Variants in RPL22L1 observed in about 807,000 individuals in gnomAD.
RPL22L1 encodes the protein ribosomal protein L22 like 1, also known as ribosomal protein eL22-like.
A neutral mutation model predicts 17.3 loss-of-function variants in RPL22L1; 19 were observed. The ratio of observed to expected loss-of-function variants is 1.10; its 90% confidence interval spans 0.77 to 1.61. The LOEUF is 1.61. Among genes scored for constraint, RPL22L1 ranks in the 40% most tolerant of loss-of-function variants. The probability of loss-of-function intolerance (pLI) is 0.00; values close to 1 mark genes in which losing one functional copy is unlikely to be tolerated. For synonymous variants in RPL22L1, 48 were observed against 48.5 expected (o/e 0.99, Z 0.05); for missense variants, 139 against 144.4 (o/e 0.96, Z 0.19).
At position 170,865,192 on chromosome 3, in the gene RPL22L1, A is replaced by G. The variant is rs1711694136; in HGVS notation, c.*1188T>C. ...GGCACTTAAATTTTTAGGAAAACGA[A>G]TTAAAACATTGAATTAAACAATAAT... is the stretch of plus-strand genomic sequence containing the variant. On this transcript the variant is annotated 3_prime_UTR_variant, in exon 4 of 4. Transcript: ENST00000295830. 1 of 152,246 alleles carries G rather than the reference A, an allele frequency of 6.6e-6. No individual in the cohort carries two copies. The highest frequency in any genetic ancestry group is 1.5e-5 in the Non-Finnish European group (1 of 68,050). 9.4% of individuals were successfully genotyped at this position (152,246 alleles called of 1,614,324 possible).
rs35192046 is a variant in RPL22L1 at position 170,866,275 on chromosome 3, A to C, written c.*105T>G. On this transcript the variant is annotated 3_prime_UTR_variant, in exon 4 of 4. Coordinates refer to ENST00000295830, the MANE Select transcript of RPL22L1 (RefSeq NM_001099645.2). ...AAATGAGACAAAAGTTCAAGAGTAT[A>C]ATATTTTTTATTCACTGATAAACTA... The C allele has an allele frequency of 0.23, 210,578 of 904,298 alleles. 26,504 individuals carry two copies. The highest frequency in any genetic ancestry group is 0.35 in the East Asian group (12,781 of 36,548). The allele number at this position is 904,298 out of a possible 1,614,324, so 56.0% of individuals were successfully genotyped here. A position where few individuals can be genotyped will look rare whatever the true frequency, so the allele number is the denominator to read the frequency against.
chr3:170,865,229 C>G lies in RPL22L1; in HGVS notation c.*1151G>C, dbSNP rs1422670308. ...AATTAAACAATAATTTCAAGCAATT[C>G]CCAAACCAATTAATGCATAGATTAG... On this transcript the variant is annotated 3_prime_UTR_variant, in exon 4 of 4. Coordinates refer to ENST00000295830, the MANE Select transcript of RPL22L1 (RefSeq NM_001099645.2). 6.6e-6 allele frequency: 1 copy of G among 152,146 alleles called. No individual in the cohort carries two copies. Among genetic ancestry groups the G allele is most frequent in the Non-Finnish European group, 1.5e-5 (1 of 68,028 alleles). 9.4% of individuals were successfully genotyped at this position (152,146 alleles called of 1,614,324 possible).
chr3:170,868,803 TAAAAA>T (rs550401844), intron 1 of RPL22L1, among the ~76,000 whole-genome samples: 2 of 117,798 alleles, frequency 1.7e-5, no homozygotes, highest in African/African-American at 6.4e-5. Flanking sequence ...GGGACTTTGG[TAAAAA>T]AAAAAAAAAA....
chr3:170,866,561 C>T, intron 3 of RPL22L1, 37 bp from the exon 4 acceptor site: 1 of 1,449,414 alleles, frequency 6.9e-7, no homozygotes, highest in Non-Finnish European at 9.4e-7. Flanking sequence ...TTAAGAAATA[C>T]AATTCCTACT....
rs1269737466 is a variant in RPL22L1, at chr3:170,868,148, G to GA, written c.103-15dup. On this transcript the variant is annotated splice_polypyrimidine_tract_variant and intron_variant, in intron 2 of 3. Transcript: ENST00000295830. ...TAGAAATTGCTCCTATTTTAAAACA[G>GA]AAAAAATGCAAAACTAGGGAAGAGA... 5 of 1,602,582 alleles carry GA rather than the reference G, an allele frequency of 3.1e-6. 1 individual carries two copies. Among genetic ancestry groups the GA allele is most frequent in the South Asian group, 2.2e-5 (2 of 89,812 alleles).
At chr3:170,868,441 T>G in intron 1 of RPL22L1, 51 bp from the exon 2 acceptor site, 1 of 1,126,846 alleles carries the variant, frequency 8.9e-7, no homozygotes, top group South Asian at 1.3e-5. Context: ...CTTATTCAAT[T>G]TATATAAACA....
In RPL22L1 at chr3:170,864,911, TC is replaced by T. The variant is rs1711682696; in HGVS notation, c.*1468del. On this transcript the variant is annotated 3_prime_UTR_variant, in exon 4 of 4. Coordinates refer to ENST00000295830, the MANE Select transcript of RPL22L1 (RefSeq NM_001099645.2). The stretch of plus-strand genomic sequence containing the variant: ...AGATGAAATTCCTTTTATTAAGCCC[TC>T]CCTTTTGTAGCAGTAAATTTGTTCA... 6.6e-6 allele frequency: 1 copy of T among 152,220 alleles called. No homozygotes were observed. The highest frequency in any genetic ancestry group is 2.4e-5 in the African/African-American group (1 of 41,442). The allele number at this position is 152,220 out of a possible 1,614,324, so 9.4% of individuals were successfully genotyped here. A position where few individuals can be genotyped will look rare whatever the true frequency, so the allele number is the denominator to read the frequency against.
At position 170,866,213 on chromosome 3, in the gene RPL22L1, G is replaced by A. The variant is rs372796243; in HGVS notation, c.*167C>T. 4.7e-5 allele frequency: 25 copies of A among 532,666 alleles called. No homozygotes were observed. Among genetic ancestry groups the A allele is most frequent in the East Asian group, 4.3e-4 (14 of 32,880 alleles). 33.0% of individuals were successfully genotyped at this position (532,666 alleles called of 1,614,324 possible). A position where few individuals can be genotyped will look rare whatever the true frequency, so the allele number is the denominator to read the frequency against. On this transcript the variant is annotated 3_prime_UTR_variant, in exon 4 of 4. Coordinates refer to ENST00000295830, the MANE Select transcript of RPL22L1 (RefSeq NM_001099645.2). ...ATTTAAATACTGTTGATAGTTATCA[G>A]AGGGAAATCAAAATCATATAAACAG...
In RPL22L1 at chr3:170,866,466, G is replaced by A. The variant is rs1184007690; in HGVS notation, c.283C>T (p.Arg95Ter). The change falls in exon 4 of 4, where the codon CGA becomes TGA. Residue 95 changes from arginine to a stop codon, truncating the protein, a stop_gained. Coordinates refer to ENST00000295830, the MANE Select transcript of RPL22L1 (RefSeq NM_001099645.2). LOFTEE classifies it high-confidence loss of function. Reference protein sequence around the residue: ...LKKNNLRDWLRVVASDKETYE... With the variant: ...LKKNNLRDWL Reference sequence around the variant, plus strand: ...GTCTCCTTGTCAGATGCAACCACTCGAAGCCAATCACGAAGATTGTTCTTC... The same window carrying A: ...GTCTCCTTGTCAGATGCAACCACTCAAAGCCAATCACGAAGATTGTTCTTC... The A allele has an allele frequency of 6.9e-6, 11 of 1,588,128 alleles. No individual in the cohort carries two copies. Among genetic ancestry groups the A allele is most frequent in the Admixed American group, 1.8e-5 (1 of 56,266 alleles).
chr3:170,870,021 T>C (rs1460508383), intron 1 of RPL22L1, 138 bp downstream of exon 1: 1 of 1,265,530 alleles, frequency 7.9e-7, no homozygotes, highest in Admixed American at 1.9e-5. Context: ...GCGTCTTGGT[T>C]GTGTTTCTGA....
chr3:170,868,027 T>C lies in RPL22L1; in HGVS notation c.210A>G (p.Lys70=). ...AAAGTACCAACCTTTTAGAGAACTGTTTCTCAGAAACAACTGTGATTTTAT... is the reference window on the plus strand; with the variant it reads ...AAAGTACCAACCTTTTAGAGAACTGCTTCTCAGAAACAACTGTGATTTTAT... ...FKNKITVVSE[K]QFSKRYLKYL... Residue 70 remains lysine, a synonymous_variant, in exon 3 of 4, where the codon AAA becomes AAG. Transcript: ENST00000295830. 6.3e-7 allele frequency: 1 copy of C among 1,597,800 alleles called. No homozygotes were observed. The highest frequency in any genetic ancestry group is 1.7e-5 in the Admixed American group (1 of 57,436).
At position 170,868,122 on chromosome 3, in the gene RPL22L1, G is replaced by T; in HGVS notation, c.115C>A (p.Arg39=). Residue 39 remains arginine, a synonymous_variant, in exon 3 of 4, where the codon CGG becomes AGG. Transcript: ENST00000295830. ...FDSGNFEQFL[R]EKVKVNGKTG... is the part of the protein sequence containing the mutation. ...TTGCCATTGACTTTAACCTTCTCCC[G>T]TAGAAATTGCTCCTATTTTAAAACA... The T allele has an allele frequency of 6.2e-7, 1 of 1,605,278 alleles. No individual in the cohort carries two copies. Among genetic ancestry groups the T allele is most frequent in the South Asian group, 1.1e-5 (1 of 89,920 alleles).
Position 170,866,603 on chromosome 3 carries a change from T to C in RPL22L1, c.225-79A>G, listed in dbSNP as rs1344356479. On this transcript the variant is annotated intron_variant, in intron 3 of 3. Transcript: ENST00000295830. ...AGGTTTACTATACGAAAAATATACATCATCATATTCATCTTTTCTGTACCT... is the reference window on the plus strand; with the variant it reads ...AGGTTTACTATACGAAAAATATACACCATCATATTCATCTTTTCTGTACCT... The C allele has an allele frequency of 2.4e-5, 23 of 970,620 alleles. No individual in the cohort carries two copies. In the East Asian group the frequency reaches 5.6e-4, roughly 24 times the overall value. 60.1% of individuals were successfully genotyped at this position (970,620 alleles called of 1,614,324 possible).
intron 1 of RPL22L1, among the ~76,000 whole-genome samples, chr3:170,868,829 G>T (rs966899774): frequency 6.7e-6 from 1 of 148,238 alleles, no homozygotes; most frequent in Non-Finnish European, 1.5e-5. Flanking sequence ...GAAAAGAAAA[G>T]AAAAAGAAAA....
chr3:170,867,900 G>T, intron 3 of RPL22L1, 113 bp downstream of exon 3: 2 of 896,650 alleles, frequency 2.2e-6, no homozygotes, highest in Non-Finnish European at 3.3e-6. Flanking sequence ...TAGGCCTTTA[G>T]TCTAAAGTTC....
rs1711723352 is a variant in RPL22L1, at chr3:170,865,595, C to A, written c.*785G>T. 1 of 152,180 alleles carries A rather than the reference C, an allele frequency of 6.6e-6. No individual in the cohort carries two copies. Among genetic ancestry groups the A allele is most frequent in the Non-Finnish European group, 1.5e-5 (1 of 68,042 alleles). 9.4% of individuals were successfully genotyped at this position (152,180 alleles called of 1,614,324 possible). On this transcript the variant is annotated 3_prime_UTR_variant, in exon 4 of 4. Coordinates refer to ENST00000295830, the MANE Select transcript of RPL22L1 (RefSeq NM_001099645.2). ...TTTCAGACAAGGACCACAGTAGATT[C>A]TGTAGCTGAGTTGAGATTTGGTTTT...
In RPL22L1 at chr3:170,865,707, C is replaced by T. The variant is rs181331356; in HGVS notation, c.*673G>A. 1.3e-5 allele frequency: 2 copies of T among 152,172 alleles called. No homozygotes were observed. The highest frequency in any genetic ancestry group is 4.8e-5 in the African/African-American group (2 of 41,436). The allele number at this position is 152,172 out of a possible 1,614,324, so 9.4% of individuals were successfully genotyped here. ...TTACAGCAGGCCTCACACCCAGAGTCTTTGGGCTAACTATAAGAGCAAACT... is the reference window on the plus strand; with the variant it reads ...TTACAGCAGGCCTCACACCCAGAGTTTTTGGGCTAACTATAAGAGCAAACT... On this transcript the variant is annotated 3_prime_UTR_variant, in exon 4 of 4. Transcript: ENST00000295830.
In RPL22L1 at chr3:170,868,431, C is replaced by T. The variant is rs146264247; in HGVS notation, c.10-41G>A. ...ATAATTATGTAGCTATATAAAACAACTTATTCAATTTATATAAACAATTTT... is the reference window on the plus strand; with the variant it reads ...ATAATTATGTAGCTATATAAAACAATTTATTCAATTTATATAAACAATTTT... On this transcript the variant is annotated intron_variant, in intron 1 of 3. Transcript: ENST00000295830. The T allele has an allele frequency of 1.3e-3, 1,523 of 1,218,218 alleles. 16 individuals carry two copies. The African/African-American group carries it at 0.021, about 17-fold the overall frequency. The allele number at this position is 1,218,218 out of a possible 1,614,324, so 75.5% of individuals were successfully genotyped here. A position where few individuals can be genotyped will look rare whatever the true frequency, so the allele number is the denominator to read the frequency against.
chr3:170,869,052 C>T (rs1282177175), intron 1 of RPL22L1, among the ~76,000 whole-genome samples: 2 of 148,216 alleles, frequency 1.3e-5, no homozygotes, highest in East Asian at 2.0e-4. Flanking sequence ...ACCCGGGAGG[C>T]GGAGGTTGTA....
Sources: allele counts gnomAD v4.1 joint callset (sites outside exome capture counted in the v4.1 genomes callset), GRCh38; gene constraint gnomAD v4.1.1; transcripts MANE v1.5; gene names NCBI Gene and HGNC (gene_info 2026-07-23, HGNC 2026-07-21).